The following DPH6 variants were observed in gnomAD, a reference collection of about 807,000 sequenced individuals.
DPH6 encodes the protein diphthamine biosynthesis 6, also known as diphthine--ammonia ligase.
A neutral mutation model predicts 38.2 loss-of-function variants in DPH6; 33 were observed. The observed-to-expected ratio is 0.86, with a 90% CI of 0.65 to 1.15. The LOEUF (loss-of-function observed/expected upper bound fraction) is 1.15, where lower values mean the gene tolerates loss of function less well. Among genes scored for constraint, DPH6 ranks in the 50% most tolerant of loss-of-function variants. The pLI, the probability that DPH6 is intolerant of heterozygous loss-of-function variation, is 0.00. For missense variants in DPH6, 325 were observed against 320.0 expected, an observed-to-expected ratio of 1.02 and a Z score of -0.12; for synonymous variants, 108 against 103.0, an observed-to-expected ratio of 1.05 and a Z score of -0.30.
intron 6 of DPH6, among the ~76,000 whole-genome samples, chr15:35,387,839 T>C (rs2052991731): frequency 6.6e-6 from 1 of 152,158 alleles, no homozygotes; most frequent in Non-Finnish European, 1.5e-5. Flanking sequence ...TTTATTTCCG[T>C]CTCCTGCCTG....
intron 3 of DPH6, among the ~76,000 whole-genome samples, chr15:35,249,768 T>C (rs1350075150): frequency 6.6e-6 from 1 of 152,150 alleles, no homozygotes; most frequent in Non-Finnish European, 1.5e-5. Flanking sequence ...TTGTGTGATA[T>C]GTTAGAGAAT....
chr15:35,516,589 C>T (rs1216631806), intron 3 of DPH6, among the ~76,000 whole-genome samples: 2 of 152,150 alleles, frequency 1.3e-5, no homozygotes, highest in Non-Finnish European at 2.9e-5. Context: ...AAAAAACCCA[C>T]CAACATTTCT....
chr15:35,451,748 C>T (rs572974424), intron 4 of DPH6, among the ~76,000 whole-genome samples: 126 of 152,282 alleles, frequency 8.3e-4, no homozygotes, highest in Admixed American at 3.1e-3. Flanking sequence ...CGGTGACTCA[C>T]GACTGTAATG....
At chr15:35,354,832 G>C (rs1247375431) in intron 3 of DPH6, among the ~76,000 whole-genome samples, 1 of 151,728 alleles carries the variant, frequency 6.6e-6, no homozygotes, top group Non-Finnish European at 1.5e-5. Flanking sequence ...CTTATTCCTG[G>C]ATATCCTTGT....
At chr15:35,357,456 T>C (rs1461871920) in intron 3 of DPH6, among the ~76,000 whole-genome samples, 2 of 152,228 alleles carry the variant, frequency 1.3e-5, no homozygotes, top group Non-Finnish European at 2.9e-5. Context: ...TTTTGCTTTT[T>C]AACTTGTATT....
chr15:35,229,304 T>G (rs2051502024), intron 3 of DPH6, among the ~76,000 whole-genome samples: 1 of 150,084 alleles, frequency 6.7e-6, no homozygotes, highest in Non-Finnish European at 1.5e-5. Context: ...TTTCTTCTGC[T>G]TGATCAATTC....
intron 3 of DPH6, among the ~76,000 whole-genome samples, chr15:35,229,929 G>C (rs2051505624): frequency 6.6e-6 from 1 of 152,174 alleles, no homozygotes; most frequent in Non-Finnish European, 1.5e-5. Context: ...CTGGAGCTGG[G>C]GATGGAGTGA....
Position 35,372,198 on chromosome 15 carries a change from G to C in DPH6, c.756C>G (p.Ser252=). The C allele has an allele frequency of 6.8e-7, 1 of 1,480,662 alleles. No individual in the cohort carries two copies. Among genetic ancestry groups the C allele is most frequent in the Non-Finnish European group, 8.9e-7 (1 of 1,123,692 alleles). The allele number at this position is 1,480,662 out of a possible 1,614,324, so 91.7% of individuals were successfully genotyped here. ...FLELHLEDKV[S]SVPDNYRTSN... is the part of the protein sequence containing the mutation. ...ATGTTCTGTAGTTGTCAGGCACTGA[G>C]GACACCTAAAAAAAAAAGGGAAGGA... Residue 252 remains serine, a synonymous_variant, in exon 9 of 9, where the codon TCC becomes TCG. Coordinates refer to ENST00000256538, the MANE Select transcript of DPH6 (RefSeq NM_080650.4).
intron 3 of DPH6, among the ~76,000 whole-genome samples, chr15:35,358,205 A>C (rs1194839060): frequency 6.6e-6 from 1 of 152,118 alleles, no homozygotes; most frequent in African/African-American, 2.4e-5. Flanking sequence ...CATTTCTAAC[A>C]GTGTGTCTAA....
At chr15:35,469,101 A>ACAACAACAACAT (rs1290029060) in intron 3 of DPH6, among the ~76,000 whole-genome samples, 1 of 151,570 alleles carries the variant, frequency 6.6e-6, no homozygotes, top group Non-Finnish European at 1.5e-5. Flanking sequence ...AACAACAACA[A>ACAACAACAACAT]CAACAGGCCA....
intron 3 of DPH6, among the ~76,000 whole-genome samples, chr15:35,506,367 GC>G (rs2054694286): frequency 6.6e-6 from 1 of 152,000 alleles, no homozygotes; most frequent in South Asian, 2.1e-4. Flanking sequence ...TGTTAGTTTT[GC>G]CCCAACAGAA....
intron 3 of DPH6, among the ~76,000 whole-genome samples, chr15:35,496,389 A>T (rs2054549405): frequency 6.6e-6 from 1 of 150,806 alleles, no homozygotes; most frequent in Non-Finnish European, 1.5e-5. Context: ...ACCTGTTTCT[A>T]CTAAAAATAG....
the DPH6 span, among the ~76,000 whole-genome samples, chr15:35,174,431 C>T: frequency 3.9e-5 from 6 of 151,942 alleles, no homozygotes; most frequent in African/African-American, 7.3e-5. Flanking sequence ...GCCAATCTGC[C>T]CATTTCTGAC....
intron 6 of DPH6, among the ~76,000 whole-genome samples, chr15:35,382,724 T>A (rs1238666315): frequency 6.6e-6 from 1 of 152,104 alleles, no homozygotes; most frequent in African/African-American, 2.4e-5. Flanking sequence ...GCAGTTGTTA[T>A]TAGGAAAGTT....
intron 3 of DPH6, among the ~76,000 whole-genome samples, chr15:35,511,269 A>C (rs2054766170): frequency 6.6e-6 from 1 of 152,178 alleles, no homozygotes; most frequent in Admixed American, 6.6e-5. Flanking sequence ...TGCTCATAAA[A>C]AGACATAAAT....
chr15:35,158,039 A>G, the DPH6 span, among the ~76,000 whole-genome samples: 523 of 152,206 alleles, frequency 3.4e-3, 1 homozygote, highest in African/African-American at 0.012. Context: ...ATCCCTGGGT[A>G]ATACTTAAAT....
chr15:35,539,796 G>C (rs762524641), intron 2 of DPH6, among the ~76,000 whole-genome samples: 2 of 151,818 alleles, frequency 1.3e-5, no homozygotes, highest in Non-Finnish European at 2.9e-5. Context: ...ATAGTGCAAG[G>C]GCCCCTTCAA....
Position 35,318,624 on chromosome 15 carries a change from T to C in DPH6, n.200+54897A>G, listed in dbSNP as rs372185401. On this transcript the variant is annotated intron_variant and non_coding_transcript_variant, in intron 3 of 3. Coordinates refer to the DPH6 transcript ENST00000560386. ...CATATGAAGTACATTCTTTGACCACTATTTAATTAAGCTAGAAATCAAGAA... is the reference window on the plus strand; with the variant it reads ...CATATGAAGTACATTCTTTGACCACCATTTAATTAAGCTAGAAATCAAGAA... Among the ~76,000 whole-genome samples the C allele has an allele frequency of 1.4e-4, 22 of 152,298 alleles. 4 individuals are homozygous for C. Among genetic ancestry groups the C allele is most frequent in the East Asian group, 7.7e-4 (4 of 5,188 alleles).
In DPH6 at chr15:35,285,957, T is replaced by C. The variant is rs2051941265; in HGVS notation, n.201-65375A>G. 2.1e-5 allele frequency among the ~76,000 whole-genome samples: 3 copies of C among 139,948 alleles called. No homozygotes were observed. The Admixed American group carries it at 2.4e-4, about 11-fold the overall frequency. 91.8% of individuals were successfully genotyped at this position (139,948 alleles called of 152,430 possible). A position where few individuals can be genotyped will look rare whatever the true frequency, so the allele number is the denominator to read the frequency against. On this transcript the variant is annotated intron_variant and non_coding_transcript_variant, in intron 3 of 3. Transcript: ENST00000560386. ...ACTCTGAAATGATAATAAGAGCTCATAGAGGCAGCTATTAAAGCTGGGGCA... is the reference window on the plus strand; with the variant it reads ...ACTCTGAAATGATAATAAGAGCTCACAGAGGCAGCTATTAAAGCTGGGGCA...
Sources: gnomAD v4.1 joint callset for allele counts (sites outside exome capture counted in the v4.1 genomes callset) on GRCh38, gnomAD v4.1.1 for gene constraint, MANE v1.5 for transcripts, NCBI Gene and HGNC (gene_info 2026-07-23, HGNC 2026-07-21) for gene names.